The following POLN variants were observed in gnomAD, a reference collection of about 807,000 sequenced individuals.
The protein encoded by POLN is DNA polymerase N.
Under a neutral mutation model 113.5 loss-of-function variants are expected in POLN, and 108 were observed. The observed-to-expected ratio is 0.95, with a 90% CI of 0.81 to 1.12. The LOEUF (loss-of-function observed/expected upper bound fraction) is 1.12. Ranked by LOEUF, POLN falls within the 50% of genes most tolerant of loss-of-function variation. POLN has a pLI of 0.00. For missense variants in POLN, 1,097 were observed against 1,077.1 expected (o/e 1.02, Z -0.26); for synonymous variants, 386 against 391.5 (o/e 0.99, Z 0.17).
At chr4:2,160,010 G>C (rs1047141965) in intron 13 of POLN, among the ~76,000 whole-genome samples, 2 of 152,186 alleles carry the variant, frequency 1.3e-5, no homozygotes, top group Non-Finnish European at 2.9e-5. Context: ...TGAAACTGCT[G>C]CATCAACTTT....
intron 16 of POLN, among the ~76,000 whole-genome samples, chr4:2,152,341 T>A (rs915368923): frequency 6.6e-5 from 8 of 121,226 alleles, no homozygotes; most frequent in Non-Finnish European, 1.4e-4. Flanking sequence ...CCTGGCCTGA[T>A]TTTTTTTTTT....
At chr4:2,215,777 T>A (rs1179826343) in intron 3 of POLN, among the ~76,000 whole-genome samples, 1 of 152,220 alleles carries the variant, frequency 6.6e-6, no homozygotes, top group South Asian at 2.1e-4. Context: ...TGGCGGGCCT[T>A]TTCCTTGGGA....
chr4:2,219,478 C>T (rs780720536), intron 3 of POLN, among the ~76,000 whole-genome samples: 26 of 152,240 alleles, frequency 1.7e-4, no homozygotes, highest in Middle Eastern at 6.8e-3. Context: ...ACTGTATCTA[C>T]CCTGCTTCTG....
chr4:2,090,886 C>G, intron 20 of POLN, among the ~76,000 whole-genome samples: 1 of 152,222 alleles, frequency 6.6e-6, no homozygotes, highest in East Asian at 1.9e-4. Flanking sequence ...AGAATTTGGC[C>G]TCATTTCCTG....
In POLN at chr4:2,095,885, G is replaced by A; in HGVS notation, c.2031C>T (p.Thr677=). The A allele has an allele frequency of 6.2e-7, 1 of 1,614,122 alleles. No homozygotes were observed. Among genetic ancestry groups the A allele is most frequent in the Non-Finnish European group, 8.5e-7 (1 of 1,180,028 alleles). Residue 677 remains threonine, a synonymous_variant, in exon 20 of 26, where the codon ACC becomes ACT. Transcript: ENST00000511885. ...AGACCACCGCGTACACCACCTTCTT[G>A]GTTTGCTCTCTGTCTGCGTGTGTCA... The part of the protein sequence containing the change: ...EQVTHADREQ[T]KKVVYAVVYG...
At position 2,208,115 on chromosome 4, in the gene POLN, G is replaced by GA. The variant is rs1733898131; in HGVS notation, c.585_586insT (p.His196SerfsTer4). Reference sequence around the variant, plus strand: ...TCCAAATGCCTAATATCACAAAAATGTTTTTTCAATGCTCCTGAGTTCCCA... The same window carrying GA: ...TCCAAATGCCTAATATCACAAAAATGATTTTTTCAATGCTCCTGAGTTCCCA... On this transcript the variant is annotated frameshift_variant, in exon 5 of 26. Coordinates refer to ENST00000511885, the MANE Select transcript of POLN (RefSeq NM_181808.4). LOFTEE classifies it high-confidence loss of function. 1.9e-6 allele frequency: 3 copies of GA among 1,614,052 alleles called. No individual in the cohort carries two copies. In the African/African-American group the frequency reaches 4.0e-5, roughly 22 times the overall value.
intron 13 of POLN, among the ~76,000 whole-genome samples, chr4:2,168,851 T>C (rs1577737175): frequency 6.6e-6 from 1 of 152,236 alleles, no homozygotes; most frequent in Non-Finnish European, 1.5e-5. Flanking sequence ...CACCAGGAGC[T>C]GGTTTGGTTC....
chr4:2,082,835 ATGC>A (rs769707841), intron 21 of POLN: 5 of 152,284 alleles, frequency 3.3e-5, no homozygotes, highest in Non-Finnish European at 5.9e-5. Flanking sequence ...ATGTTGTTGA[ATGC>A]TGGGGTGTGC....
chr4:2,235,035 G>C (rs957986497), intron 2 of POLN, among the ~76,000 whole-genome samples: 1 of 152,126 alleles, frequency 6.6e-6, no homozygotes, highest in African/African-American at 2.4e-5. Flanking sequence ...ACAGTCACCC[G>C]CCACCACGCC....
chr4:2,073,218 CCT>C (rs1472368662), intron 24 of POLN, among the ~76,000 whole-genome samples, 189 bp from the exon 25 acceptor site: 1 of 152,148 alleles, frequency 6.6e-6, no homozygotes, highest in Non-Finnish European at 1.5e-5. Context: ...GTGCCCAGCC[CCT>C]GAGGCTGAGT....
Position 2,208,441 on chromosome 4 carries a change from A to G in POLN, c.260T>C (p.Leu87Pro). ...RSQTSRGSAK[L>P]SPQSFSVRLT... ...CCTGACACTGAAGGACTGAGGAGAC[A>G]GCTTGGCAGAACCTCTTGATGTCTG... Residue 87 changes from leucine (L) to proline (P), a missense_variant, in exon 5 of 26, where the codon CTG becomes CCG. Coordinates refer to ENST00000511885, the MANE Select transcript of POLN (RefSeq NM_181808.4). 6.3e-7 allele frequency: 1 copy of G among 1,580,154 alleles called. No individual in the cohort carries two copies. The highest frequency in any genetic ancestry group is 1.4e-5 in the African/African-American group (1 of 73,118).
At position 2,179,380 on chromosome 4, in the gene POLN, T is replaced by C. The variant is rs1031226866; in HGVS notation, c.1107A>G (p.Val369=). 7 of 1,613,142 alleles carry C rather than the reference T, an allele frequency of 4.3e-6. No homozygotes were observed. The highest frequency in any genetic ancestry group is 5.9e-6 in the Non-Finnish European group (7 of 1,179,150). ...TAATGGATTTTTCACAGTATTTTTC[T>C]ACTAAATCTTCAAAAGAGGGTGTGG... ...SDATPSFEDL[V]EKYCEKSITV... The change falls in exon 8 of 26, where the codon GTA becomes GTG. Residue 369 remains valine (V), a synonymous_variant. Transcript: ENST00000511885.
At chr4:2,097,859 A>G (rs1447377143) in intron 19 of POLN, among the ~76,000 whole-genome samples, 2 of 151,986 alleles carry the variant, frequency 1.3e-5, no homozygotes, top group African/African-American at 4.8e-5. Context: ...ACCTTTGCCT[A>G]TTTTTCAAAG....
In POLN at chr4:2,126,384, C is replaced by T. The variant is rs1279535957; in HGVS notation, c.1982+1729G>A. 6.6e-6 allele frequency among the ~76,000 whole-genome samples: 1 copy of T among 152,204 alleles called. No homozygotes were observed. The highest frequency in any genetic ancestry group is 1.5e-5 in the Non-Finnish European group (1 of 68,044). On this transcript the variant is annotated intron_variant, in intron 19 of 25. Coordinates refer to ENST00000511885, the MANE Select transcript of POLN (RefSeq NM_181808.4). This position sits in a 1 kb window ranked among gnomAD's most constrained non-coding sequence, Gnocchi z 4.6. ...TTGGAGAGATTTTCTGATTCAAACG[C>T]AAGTTTGCGTTCTATACTATTCATT...
At chr4:2,203,623 C>T (rs181756394) in intron 5 of POLN, among the ~76,000 whole-genome samples, 265 of 150,260 alleles carry the variant, frequency 1.8e-3, no homozygotes, top group African/African-American at 6.0e-3. Flanking sequence ...AATAGTGACA[C>T]AACCTATCAA....
At chr4:2,130,511 C>G (rs1271139909) in intron 17 of POLN, among the ~76,000 whole-genome samples, 1 of 152,338 alleles carries the variant, frequency 6.6e-6, no homozygotes, top group East Asian at 1.9e-4. Flanking sequence ...ATCAGCATCA[C>G]AGCAGAATAG....
intron 8 of POLN, among the ~76,000 whole-genome samples, chr4:2,176,874 G>A (rs994063420): frequency 6.6e-6 from 1 of 152,064 alleles, no homozygotes; most frequent in African/African-American, 2.4e-5. Context: ...TCAATACAGA[G>A]TCTAATTACC....
chr4:2,107,499 C>A (rs976523446), intron 19 of POLN, among the ~76,000 whole-genome samples: 1 of 151,960 alleles, frequency 6.6e-6, no homozygotes, highest in African/African-American at 2.4e-5. Flanking sequence ...CATGAGCTGA[C>A]TGAATCTTAG....
At chr4:2,136,101 T>G (rs1194447094) in intron 16 of POLN, among the ~76,000 whole-genome samples, 1 of 152,210 alleles carries the variant, frequency 6.6e-6, no homozygotes, top group Non-Finnish European at 1.5e-5. Context: ...CATGAACATT[T>G]CATCTCCCAG....
Sources: gnomAD v4.1 joint callset for allele counts (sites outside exome capture counted in the v4.1 genomes callset) on GRCh38, gnomAD v4.1.1 for gene constraint, Gnocchi (gnomAD v3.1) non-coding constraint, MANE v1.5 for transcripts, NCBI Gene and HGNC (gene_info 2026-07-23, HGNC 2026-07-21) for gene names.